The following PRLR variants were observed in gnomAD, a reference collection of about 807,000 sequenced individuals.
PRLR encodes hPRL receptor.
Under a neutral mutation model 40.2 loss-of-function variants are expected in PRLR, and 13 were observed. The observed-to-expected ratio is 0.32, with a 90% confidence interval of 0.21 to 0.51. The LOEUF (loss-of-function observed/expected upper bound fraction) is 0.51. Among genes scored for constraint, PRLR ranks in the 20% least tolerant of loss-of-function variants. PRLR has a pLI of 0.97. For synonymous variants in PRLR, 269 were observed against 278.7 expected (o/e 0.97, Z 0.35); for missense variants, 656 against 747.3 (o/e 0.88, Z 1.42).
At chr5:35,155,193 A>G (rs911720118) in intron 1 of PRLR, among the ~76,000 whole-genome samples, 1 of 152,150 alleles carries the variant, frequency 6.6e-6, no homozygotes, top group Non-Finnish European at 1.5e-5. Context: ...ATAAATATAC[A>G]TTTACAGCTT....
At chr5:35,136,950 G>T (rs79459521) in intron 1 of PRLR, among the ~76,000 whole-genome samples, 2 of 119,942 alleles carry the variant, frequency 1.7e-5, no homozygotes, top group Non-Finnish European at 3.7e-5. Context: ...GAAAGAAAAA[G>T]AAAAAAAAAA....
chr5:35,185,479 C>T (rs566243217), intron 1 of PRLR, among the ~76,000 whole-genome samples: 3 of 151,932 alleles, frequency 2.0e-5, no homozygotes, highest in South Asian at 4.2e-4. Flanking sequence ...AGGCTTGGGC[C>T]TTTTCTAACT....
chr5:35,125,839 C>G (rs138272997), intron 1 of PRLR, among the ~76,000 whole-genome samples: 1 of 152,178 alleles, frequency 6.6e-6, no homozygotes, highest in South Asian at 2.1e-4. Context: ...GGAATGTTAG[C>G]AGGCGATGGG....
intron 5 of PRLR, among the ~76,000 whole-genome samples, chr5:35,076,210 A>G (rs1305196281): frequency 1.3e-5 from 2 of 152,248 alleles, no homozygotes; most frequent in Admixed American, 1.3e-4. Context: ...GAGCTGAGAG[A>G]AGAAGGCTTC....
At chr5:35,175,459 G>A (rs1037245695) in intron 1 of PRLR, among the ~76,000 whole-genome samples, 7 of 152,250 alleles carry the variant, frequency 4.6e-5, no homozygotes, top group African/African-American at 9.6e-5. Context: ...TATAAGCAGC[G>A]TGAGGACAGA....
At chr5:35,203,441 T>C (rs1024131869) in intron 1 of PRLR, among the ~76,000 whole-genome samples, 1 of 152,284 alleles carries the variant, frequency 6.6e-6, no homozygotes, top group Non-Finnish European at 1.5e-5. Flanking sequence ...CAAGATTTCT[T>C]GAGCTTTCTA....
chr5:35,127,002 C>T (rs1189953494), intron 1 of PRLR, among the ~76,000 whole-genome samples: 1 of 152,210 alleles, frequency 6.6e-6, no homozygotes, highest in Non-Finnish European at 1.5e-5. Context: ...AGAAGAATGG[C>T]TGTGCAGGGT....
chr5:35,187,326 T>G (rs560790913), intron 1 of PRLR, among the ~76,000 whole-genome samples: 21 of 151,676 alleles, frequency 1.4e-4, no homozygotes, highest in South Asian at 6.3e-4. Context: ...GCTTGAACCC[T>G]GGAGGCAGAG....
chr5:35,177,312 C>T (rs1020925508), intron 1 of PRLR, among the ~76,000 whole-genome samples: 2 of 152,102 alleles, frequency 1.3e-5, no homozygotes, highest in African/African-American at 2.4e-5. Flanking sequence ...TTCCACCTTA[C>T]GAGAAACACC....
intron 8 of PRLR, among the ~76,000 whole-genome samples, chr5:35,050,249 C>A (rs1297615310): frequency 6.6e-6 from 1 of 152,174 alleles, no homozygotes; most frequent in Non-Finnish European, 1.5e-5. Flanking sequence ...TGAGGAATTA[C>A]GTGATGTCCA....
rs1315468976 is a variant in PRLR at position 35,135,168 on chromosome 5, C to G, written c.-105-17046G>C. On this transcript the variant is annotated intron_variant, in intron 1 of 9. Coordinates refer to ENST00000618457, the MANE Select transcript of PRLR (RefSeq NM_000949.7). ...AGGAAACAAATACTTCTTTATCATT[C>G]AGTCCGAAAAAGAAAATAATTCTGT... 2.0e-5 allele frequency: 3 copies of G among 150,722 alleles called. No homozygotes were observed. In the East Asian group the frequency reaches 5.8e-4, roughly 29 times the overall value. The allele number at this position is 150,722 out of a possible 1,614,324, so 9.3% of individuals were successfully genotyped here.
intron 5 of PRLR, among the ~76,000 whole-genome samples, chr5:35,073,222 C>T (rs1223078380): frequency 6.6e-6 from 1 of 152,194 alleles, no homozygotes; most frequent in African/African-American, 2.4e-5. Flanking sequence ...AACAGGTTTA[C>T]AGATTCCATC....
chr5:35,093,707 C>A (rs573315513), intron 2 of PRLR, among the ~76,000 whole-genome samples: 1 of 152,310 alleles, frequency 6.6e-6, no homozygotes, highest in Non-Finnish European at 1.5e-5. Flanking sequence ...ATATGACATG[C>A]ACAAATTGTA....
chr5:35,068,570 C>T (rs1769528300), intron 8 of PRLR, among the ~76,000 whole-genome samples: 1 of 152,160 alleles, frequency 6.6e-6, no homozygotes, highest in South Asian at 2.1e-4. Flanking sequence ...CTAGGAATCT[C>T]TGTTTCATAG....
intron 1 of PRLR, among the ~76,000 whole-genome samples, chr5:35,141,646 T>C (rs1279285857): frequency 1.3e-5 from 2 of 152,306 alleles, no homozygotes; most frequent in East Asian, 3.9e-4. Context: ...TCTAGAAACA[T>C]ATACTGAAAA....
At chr5:35,082,284 C>T (rs1051339019) in intron 5 of PRLR, among the ~76,000 whole-genome samples, 4 of 152,196 alleles carry the variant, frequency 2.6e-5, no homozygotes, top group South Asian at 2.1e-4. Context: ...CCTAAACAAA[C>T]AGCAGCTAAT....
chr5:35,156,604 A>G (rs1001958150), intron 1 of PRLR, among the ~76,000 whole-genome samples: 2 of 152,192 alleles, frequency 1.3e-5, no homozygotes, highest in South Asian at 2.1e-4. Context: ...GATGCTCCTG[A>G]ATGTACCGGG....
intron 1 of PRLR, among the ~76,000 whole-genome samples, chr5:35,219,712 G>A (rs546508889): frequency 6.6e-5 from 10 of 152,294 alleles, no homozygotes; most frequent in South Asian, 6.2e-4. Context: ...ATAGTCTTAC[G>A]AGACAGGATG....
At chr5:35,141,928 GT>G (rs1774037992) in intron 1 of PRLR, among the ~76,000 whole-genome samples, 1 of 152,160 alleles carries the variant, frequency 6.6e-6, no homozygotes, top group Non-Finnish European at 1.5e-5. Context: ...CCTCCACTCT[GT>G]GAGGGCAGGG....
Sources: allele counts gnomAD v4.1 joint callset (sites outside exome capture counted in the v4.1 genomes callset), GRCh38; gene constraint gnomAD v4.1.1; transcripts MANE v1.5; gene names NCBI Gene and HGNC (gene_info 2026-07-23, HGNC 2026-07-21).